The following CCDC178 variants were observed in gnomAD, a reference collection of about 807,000 sequenced individuals.
CCDC178 encodes the protein coiled-coil domain-containing protein 178.
A neutral mutation model predicts 117.4 loss-of-function variants in CCDC178; 126 were observed. The observed-to-expected ratio is 1.07, with a 90% CI of 0.93 to 1.24. CCDC178 has a LOEUF of 1.24. Ranked by LOEUF, CCDC178 falls within the 50% of genes most tolerant of loss-of-function variation. The probability of loss-of-function intolerance (pLI) is 0.00; values close to 1 mark genes in which losing one functional copy is unlikely to be tolerated. For missense variants in CCDC178, 1,030 were observed against 986.9 expected (o/e 1.04, Z -0.59); for synonymous variants, 283 against 313.4 (o/e 0.90, Z 1.02).
intron 21 of CCDC178, among the ~76,000 whole-genome samples, chr18:32,978,546 T>G (rs1458381012): frequency 6.6e-6 from 1 of 152,206 alleles, no homozygotes; most frequent in Non-Finnish European, 1.5e-5. Context: ...CAACTTGAAC[T>G]GATAAAAGTT....
intron 20 of CCDC178, among the ~76,000 whole-genome samples, chr18:33,118,986 T>C (rs1266961639): frequency 6.6e-6 from 1 of 152,186 alleles, no homozygotes; most frequent in African/African-American, 2.4e-5. Context: ...GCTAGCCATA[T>C]GTAGAAAGCT....
intron 21 of CCDC178, among the ~76,000 whole-genome samples, chr18:32,975,096 A>G (rs775443142): frequency 2.0e-5 from 3 of 152,220 alleles, no homozygotes; most frequent in Non-Finnish European, 4.4e-5. Flanking sequence ...AAGTTTAAAA[A>G]TGCAACTTTA....
chr18:32,992,727 T>C (rs544149281), intron 21 of CCDC178, among the ~76,000 whole-genome samples: 1 of 152,202 alleles, frequency 6.6e-6, no homozygotes, highest in Non-Finnish European at 1.5e-5. Flanking sequence ...TTAGCTTGAC[T>C]GAATCTTTCT....
At chr18:33,141,216 C>T (rs1568013377) in intron 20 of CCDC178, among the ~76,000 whole-genome samples, 2 of 152,026 alleles carry the variant, frequency 1.3e-5, no homozygotes, top group African/African-American at 4.8e-5. Flanking sequence ...AAGGTATGGG[C>T]GATTGAAATT....
chr18:33,421,111 T>G (rs1163091253), intron 2 of CCDC178, among the ~76,000 whole-genome samples: 1 of 152,214 alleles, frequency 6.6e-6, no homozygotes, highest in East Asian at 1.9e-4. Context: ...TGAAGGAATG[T>G]GCCAAAGGAT....
At chr18:33,173,892 A>T (rs924935513) in intron 20 of CCDC178, among the ~76,000 whole-genome samples, 2 of 152,166 alleles carry the variant, frequency 1.3e-5, no homozygotes, top group African/African-American at 2.4e-5. Flanking sequence ...ATCCTTGAAA[A>T]GCGCTTATCA....
chr18:33,342,914 C>A (rs2062834687), intron 9 of CCDC178, among the ~76,000 whole-genome samples: 1 of 152,208 alleles, frequency 6.6e-6, no homozygotes. Flanking sequence ...AGACCTTCTT[C>A]CATAGCAGTG....
At chr18:33,424,041 ATTG>A (rs1362376672) in intron 2 of CCDC178, among the ~76,000 whole-genome samples, 3 of 152,176 alleles carry the variant, frequency 2.0e-5, no homozygotes, top group African/African-American at 7.2e-5. Flanking sequence ...TCATGAAAAT[ATTG>A]TTTAGTTCAT....
chr18:33,331,140 C>T (rs1185321167), intron 10 of CCDC178, among the ~76,000 whole-genome samples: 3 of 147,918 alleles, frequency 2.0e-5, no homozygotes, highest in Non-Finnish European at 4.5e-5. Context: ...TATAATGTAC[C>T]CAAGTTCACT....
intron 3 of CCDC178, among the ~76,000 whole-genome samples, chr18:33,400,718 G>A (rs902777430): frequency 5.3e-5 from 8 of 152,210 alleles, no homozygotes; most frequent in Admixed American, 3.9e-4. Context: ...AACTTTCTTC[G>A]TATCAGCAAT....
intron 20 of CCDC178, among the ~76,000 whole-genome samples, chr18:33,126,978 C>T (rs2058012574): frequency 7.1e-6 from 1 of 140,284 alleles, no homozygotes; most frequent in South Asian, 2.2e-4. Flanking sequence ...TTTTTATCTG[C>T]ATTTGGTTAA....
intron 6 of CCDC178, 145 bp from the exon 7 acceptor site, chr18:33,356,491 C>A: frequency 1.1e-6 from 1 of 900,542 alleles, no homozygotes; most frequent in Non-Finnish European, 1.5e-6. Context: ...GTTGTATAAA[C>A]CAAAAATAAA....
At chr18:33,173,123 C>T (rs1345536293) in intron 20 of CCDC178, among the ~76,000 whole-genome samples, 1 of 152,166 alleles carries the variant, frequency 6.6e-6, no homozygotes. Context: ...GACCTTGGCT[C>T]ACTGCAGCCT....
intron 21 of CCDC178, among the ~76,000 whole-genome samples, chr18:33,026,080 T>TA (rs1352267803): frequency 2.0e-5 from 3 of 152,122 alleles, no homozygotes; most frequent in African/African-American, 7.2e-5. Flanking sequence ...TTTACCTGGA[T>TA]AAAATTCTAT....
At chr18:32,963,532 T>A (rs969138741) in intron 22 of CCDC178, among the ~76,000 whole-genome samples, 1 of 152,082 alleles carries the variant, frequency 6.6e-6, no homozygotes, top group Non-Finnish European at 1.5e-5. Context: ...GTTGCATTTT[T>A]ATGCTCTACT....
At chr18:32,975,757 A>G (rs1568192361) in intron 21 of CCDC178, among the ~76,000 whole-genome samples, 1 of 152,164 alleles carries the variant, frequency 6.6e-6, no homozygotes, top group Non-Finnish European at 1.5e-5. Flanking sequence ...TCACATCCAA[A>G]CATATAATAT....
intron 21 of CCDC178, among the ~76,000 whole-genome samples, chr18:32,977,928 C>G (rs960003204): frequency 1.3e-5 from 2 of 152,146 alleles, no homozygotes; most frequent in Non-Finnish European, 2.9e-5. Flanking sequence ...GAAAGATGAG[C>G]TGTAGAGGAA....
intron 15 of CCDC178, among the ~76,000 whole-genome samples, chr18:33,242,004 C>A (rs1226694970): frequency 2.0e-5 from 3 of 151,714 alleles, no homozygotes; most frequent in African/African-American, 7.3e-5. Context: ...ATTATACTAC[C>A]AGACTTCAAA....
At chr18:33,295,799 G>T (rs538998599) in intron 11 of CCDC178, among the ~76,000 whole-genome samples, 16 of 152,220 alleles carry the variant, frequency 1.1e-4, no homozygotes, top group African/African-American at 3.4e-4. Flanking sequence ...TTCTCTTGTA[G>T]AGAAACTGGA....
Sources: gnomAD v4.1 joint callset for allele counts (sites outside exome capture counted in the v4.1 genomes callset) on GRCh38, gnomAD v4.1.1 for gene constraint, MANE v1.5 for transcripts, NCBI Gene and HGNC (gene_info 2026-07-23, HGNC 2026-07-21) for gene names.